The following CELA3A variants were observed in gnomAD, a reference collection of about 807,000 sequenced individuals.
The protein encoded by CELA3A is chymotrypsin like elastase 3A, also known as chymotrypsin-like elastase family member 3A.
In CELA3A, 35 loss-of-function variants were observed where a neutral mutation model predicts 38.6. That is an observed-to-expected ratio of 0.91 (90% CI 0.69 to 1.20). CELA3A has a LOEUF of 1.20. Ranked by LOEUF, CELA3A falls within the 50% of genes most tolerant of loss-of-function variation. CELA3A has a pLI of 0.00. For synonymous variants in CELA3A, 143 were observed against 136.7 expected (o/e 1.05, Z -0.32); for missense variants, 343 against 354.2 (o/e 0.97, Z 0.25).
intron 2 of CELA3A, among the ~76,000 whole-genome samples, chr1:22,003,885 G>A (rs2152819219): frequency 6.7e-6 from 1 of 148,994 alleles, no homozygotes; most frequent in East Asian, 2.1e-4. Flanking sequence ...TGTATTTTTA[G>A]TAGAGACAGG....
Position 22,003,427 on chromosome 1 carries a change from T to A in CELA3A, c.129+339T>A, listed in dbSNP as rs894005314. ...ATTCCTAGGATGATACTACAGGGCT[T>A]TGAGGTCTGAAAGCAATAAGGGAGT... On this transcript the variant is annotated intron_variant, in intron 2 of 7. Coordinates refer to ENST00000290122, the MANE Select transcript of CELA3A (RefSeq NM_005747.5). 5.3e-5 allele frequency among the ~76,000 whole-genome samples: 8 copies of A among 150,982 alleles called. 1 individual carries two copies. Among genetic ancestry groups the A allele is most frequent in the East Asian group, 2.0e-4 (1 of 5,086 alleles).
rs147644802 is a variant in CELA3A at position 22,010,296 on chromosome 1, G to T, written c.795+439G>T. 404 of 381,810 alleles carry T rather than the reference G, an allele frequency of 1.1e-3. 5 individuals are homozygous for T. The highest frequency in any genetic ancestry group is 7.0e-3 in the African/African-American group (324 of 46,004). The allele number at this position is 381,810 out of a possible 1,614,324, so 23.7% of individuals were successfully genotyped here. ...TCAGAGAGGACTAATAACGCTCATG[G>T]TAACAGTAATAGCTAAACAACAAAA... On this transcript the variant is annotated intron_variant, in intron 7 of 7. Coordinates refer to ENST00000290122, the MANE Select transcript of CELA3A (RefSeq NM_005747.5).
At chr1:22,008,550 G>C (rs1644965047) in intron 6 of CELA3A, among the ~76,000 whole-genome samples, 1 of 150,624 alleles carries the variant, frequency 6.6e-6, no homozygotes, top group Non-Finnish European at 1.5e-5. Flanking sequence ...ACGAGGTCAG[G>C]AGATCGAGAT....
At chr1:22,012,028 C>G (rs1394296439) in intron 7 of CELA3A, among the ~76,000 whole-genome samples, 2 of 125,604 alleles carry the variant, frequency 1.6e-5, no homozygotes, top group Non-Finnish European at 3.3e-5. Context: ...GCCTGGGCAA[C>G]AGAGTGAGAC....
chr1:22,001,952 G>A (rs1382115381), intron 1 of CELA3A, among the ~76,000 whole-genome samples: 3 of 151,072 alleles, frequency 2.0e-5, no homozygotes, highest in Admixed American at 1.3e-4. Flanking sequence ...AGTCCTTGAT[G>A]GGGGCAGTAA....
chr1:22,011,419 G>T (rs987877336), intron 7 of CELA3A, among the ~76,000 whole-genome samples: 2 of 136,828 alleles, frequency 1.5e-5, no homozygotes, highest in Non-Finnish European at 3.1e-5. Context: ...AAACAGTGAT[G>T]ATTTATAGAC....
At chr1:22,003,745 G>C (rs1301351847) in intron 2 of CELA3A, among the ~76,000 whole-genome samples, 1 of 150,898 alleles carries the variant, frequency 6.6e-6, no homozygotes, top group East Asian at 2.0e-4. Context: ...CACTCTTGTT[G>C]CCCAGGCTGA....
rs12095699 is a variant in CELA3A, at chr1:22,008,603, C to G, written c.642+1088C>G. Among the ~76,000 whole-genome samples, 1,452 of 150,456 alleles carry G rather than the reference C, an allele frequency of 9.7e-3. 71 individuals are homozygous for G. Among genetic ancestry groups the G allele is most frequent in the African/African-American group, 0.033 (1,341 of 40,478 alleles). On this transcript the variant is annotated intron_variant, in intron 6 of 7. Transcript: ENST00000290122. ...TGAAACCTCGTCTCTACTAAACACA[C>G]AAAAAGTTAGCCGGGTGTGGTGGTG...
chr1:22,003,254 G>A (rs1481387449), intron 2 of CELA3A, among the ~76,000 whole-genome samples, 166 bp downstream of exon 2: 20 of 150,978 alleles, frequency 1.3e-4, no homozygotes, highest in African/African-American at 3.7e-4. Flanking sequence ...GGTTTTGCCC[G>A]TTTCATCTGT....
chr1:22,001,782 C>T, intron 1 of CELA3A, 65 bp downstream of exon 1: 1 of 1,594,622 alleles, frequency 6.3e-7, no homozygotes, highest in South Asian at 1.1e-5. Context: ...TGAAATCTAC[C>T]ACTCGCTCTG....
Position 22,007,396 on chromosome 1 carries a change from C to G in CELA3A, c.523C>G (p.Leu175Val). 1 of 1,612,034 alleles carries G rather than the reference C, an allele frequency of 6.2e-7. No homozygotes were observed. Among genetic ancestry groups the G allele is most frequent in the Non-Finnish European group, 8.5e-7 (1 of 1,179,158 alleles). Residue 175 changes from leucine (L) to valine (V), a missense_variant, in exon 6 of 8, where the codon CTG becomes GTG. Coordinates refer to ENST00000290122, the MANE Select transcript of CELA3A (RefSeq NM_005747.5). ...LYTNGPLPDK[L>V]QQARLPVVDY... ...AGCCAATGGGCCACTCCCAGACAAG[C>G]TGCAGCAGGCCCGGCTGCCCGTGGT...
At position 22,009,779 on chromosome 1, in the gene CELA3A, T is replaced by C. The variant is rs765084019; in HGVS notation, c.717T>C (p.Val239=). 1.9e-6 allele frequency: 3 copies of C among 1,612,076 alleles called. 1 individual carries two copies. In the Admixed American group the frequency reaches 5.0e-5, roughly 27 times the overall value. ...GWQVHGVTSF[V]SAFGCNFIWK... ...AGGTCCACGGTGTGACCAGCTTTGT[T>C]TCTGCCTTTGGCTGCAACTTCATCT... The change falls in exon 7 of 8, where the codon GTT becomes GTC. Residue 239 remains valine, a synonymous_variant. Coordinates refer to ENST00000290122, the MANE Select transcript of CELA3A (RefSeq NM_005747.5).
intron 2 of CELA3A, among the ~76,000 whole-genome samples, chr1:22,004,850 A>G (rs4655012): frequency 0.1 from 15,412 of 150,646 alleles, 20 homozygotes; most frequent in East Asian, 0.12. Context: ...CTGTAATCCC[A>G]GCACTTCGGG....
intron 2 of CELA3A, among the ~76,000 whole-genome samples, chr1:22,003,475 G>GA (rs1644930082): frequency 2.0e-5 from 3 of 150,764 alleles, no homozygotes; most frequent in Admixed American, 6.6e-5. Context: ...AAGGCCAGTG[G>GA]AGGGAAGCTC....
At chr1:22,007,276 CA>C (rs1399257427) in intron 5 of CELA3A, 96 bp from the exon 6 acceptor site, 1 of 1,491,728 alleles carries the variant, frequency 6.7e-7, no homozygotes, top group Admixed American at 2.1e-5. Flanking sequence ...GAGTCCTCAT[CA>C]GGGCAGAAGA....
At chr1:22,003,456 G>A (rs1477604470) in intron 2 of CELA3A, among the ~76,000 whole-genome samples, 2 of 150,840 alleles carry the variant, frequency 1.3e-5, no homozygotes, top group African/African-American at 4.9e-5. Flanking sequence ...AGGGAGTGAG[G>A]GATCTTGTAA....
In CELA3A at chr1:22,009,797, C is replaced by T; in HGVS notation, c.735C>T (p.Asn245=). 6.2e-7 allele frequency: 1 copy of T among 1,612,078 alleles called. No individual in the cohort carries two copies. The highest frequency in any genetic ancestry group is 8.5e-7 in the Non-Finnish European group (1 of 1,179,328). The change falls in exon 7 of 8, where the codon AAC becomes AAT. Residue 245 remains asparagine (N), a synonymous_variant. Transcript: ENST00000290122. Reference sequence around the variant, plus strand: ...GCTTTGTTTCTGCCTTTGGCTGCAACTTCATCTGGAAGCCCACGGTGTTCA... The same window carrying T: ...GCTTTGTTTCTGCCTTTGGCTGCAATTTCATCTGGAAGCCCACGGTGTTCA... The part of the protein sequence containing the change: ...VTSFVSAFGC[N]FIWKPTVFTR...
intron 3 of CELA3A, 58 bp from the exon 4 acceptor site, chr1:22,005,604 A>C (rs1162452009): frequency 6.2e-7 from 1 of 1,611,594 alleles, no homozygotes; most frequent in African/African-American, 1.4e-5. Flanking sequence ...GTGGGTGATG[A>C]TGGGGAAGGA....
chr1:22,004,838 G>A (rs1470580021), intron 2 of CELA3A, among the ~76,000 whole-genome samples: 3 of 151,288 alleles, frequency 2.0e-5, no homozygotes, highest in African/African-American at 2.4e-5. Context: ...GGTGGCTCAC[G>A]CCTGTAATCC....
Sources: allele counts gnomAD v4.1 joint callset (sites outside exome capture counted in the v4.1 genomes callset), GRCh38; gene constraint gnomAD v4.1.1; transcripts MANE v1.5; gene names NCBI Gene and HGNC (gene_info 2026-07-23, HGNC 2026-07-21).